PDK1: variants seen among roughly 807,000 people sequenced by gnomAD.
The protein encoded by PDK1 is [Pyruvate dehydrogenase (acetyl-transferring)] kinase isozyme 1, mitochondrial.
PDK1 carries 39 observed loss-of-function variants against 54.2 expected under a neutral mutation model. The ratio of observed to expected loss-of-function variants is 0.72; its 90% confidence interval spans 0.56 to 0.94. The LOEUF is 0.94. PDK1 is among the 40% of genes least tolerant of loss of function. PDK1 has a pLI of 0.00. For missense variants in PDK1, 552 were observed against 566.0 expected, an observed-to-expected ratio of 0.98 and a Z score of 0.25; for synonymous variants, 221 against 207.1, an observed-to-expected ratio of 1.07 and a Z score of -0.58.
chr2:172,697,947 A>ATAGG, the PDK1 span, among the ~76,000 whole-genome samples: 1 of 152,350 alleles, frequency 6.6e-6, no homozygotes, highest in South Asian at 2.1e-4. Flanking sequence ...GGCAACTGTC[A>ATAGG]GAAGCATCTC....
the PDK1 span, among the ~76,000 whole-genome samples, chr2:172,675,701 A>G: frequency 6.6e-6 from 1 of 152,252 alleles, no homozygotes; most frequent in Non-Finnish European, 1.5e-5. Flanking sequence ...AGCAGTGCTG[A>G]GGGAGAAGCT....
the PDK1 span, among the ~76,000 whole-genome samples, chr2:172,711,808 G>A: frequency 7.2e-6 from 1 of 139,310 alleles, no homozygotes; most frequent in Non-Finnish European, 1.5e-5. Context: ...TGAGGCTGCA[G>A]TGAGCTGTAA....
At chr2:172,556,803 G>C (rs1275756786) in intron 1 of PDK1, among the ~76,000 whole-genome samples, 1 of 152,154 alleles carries the variant, frequency 6.6e-6, no homozygotes, top group Non-Finnish European at 1.5e-5. Context: ...ACTGGCCCAG[G>C]GTTTCTTAGA....
the PDK1 span, among the ~76,000 whole-genome samples, chr2:172,622,011 T>G: frequency 4.7e-5 from 7 of 150,428 alleles, no homozygotes; most frequent in Non-Finnish European, 8.9e-5. Context: ...TAGCTCATGA[T>G]GCATGTTCAT....
At chr2:172,705,772 T>C in the PDK1 span, among the ~76,000 whole-genome samples, 1 of 152,242 alleles carries the variant, frequency 6.6e-6, no homozygotes, top group South Asian at 2.1e-4. Context: ...AAAGGAAGAA[T>C]AAAGAATATT....
the PDK1 span, among the ~76,000 whole-genome samples, chr2:172,662,480 G>A: frequency 6.8e-6 from 1 of 146,884 alleles, no homozygotes; most frequent in African/African-American, 2.6e-5. Context: ...ATAAAGGGAA[G>A]ACTTTTTAAA....
chr2:172,669,275 C>T, the PDK1 span, among the ~76,000 whole-genome samples: 2 of 151,700 alleles, frequency 1.3e-5, no homozygotes, highest in African/African-American at 4.9e-5. Flanking sequence ...TCTCGATCTC[C>T]TGACCCTGTG....
chr2:172,694,430 A>G, the PDK1 span, among the ~76,000 whole-genome samples: 1 of 152,262 alleles, frequency 6.6e-6, no homozygotes, highest in African/African-American at 2.4e-5. Flanking sequence ...TCGTTTCATT[A>G]TAACATTGAT....
chr2:172,564,931 A>G (rs1358876813), intron 4 of PDK1, 47 bp from the exon 5 acceptor site: 7 of 1,241,334 alleles, frequency 5.6e-6, no homozygotes, highest in Non-Finnish European at 8.3e-6. Context: ...GGAAAAGAGC[A>G]TTAGGTGGTT....
the PDK1 span, among the ~76,000 whole-genome samples, chr2:172,715,515 C>T: frequency 1.4e-4 from 22 of 152,194 alleles, no homozygotes; most frequent in African/African-American, 4.6e-4. Context: ...GAAAGCCCAG[C>T]GACACAAAGC....
the PDK1 span, among the ~76,000 whole-genome samples, chr2:172,668,894 CATAT>C: frequency 2.7e-5 from 3 of 113,190 alleles, no homozygotes; most frequent in Non-Finnish European, 3.7e-5. Flanking sequence ...CACACACACA[CATAT>C]ATATATATAG....
chr2:172,590,567 G>C (rs1574526897), intron 9 of PDK1, among the ~76,000 whole-genome samples: 1 of 152,258 alleles, frequency 6.6e-6, no homozygotes, highest in East Asian at 1.9e-4. Context: ...GCTGACTTCA[G>C]GAGTGAAGCT....
chr2:172,714,325 A>C, the PDK1 span, among the ~76,000 whole-genome samples: 2 of 152,216 alleles, frequency 1.3e-5, no homozygotes, highest in African/African-American at 4.8e-5. Context: ...AACTTTAAAA[A>C]TATATGAACA....
At chr2:172,639,123 C>A in the PDK1 span, among the ~76,000 whole-genome samples, 1 of 152,214 alleles carries the variant, frequency 6.6e-6, no homozygotes, top group South Asian at 2.1e-4. Context: ...ACTTCAGCCT[C>A]CCAAAATGTG....
chr2:172,590,777 A>ATTTTACAGAGTGCTGATTGGTGCAT (rs60796752), intron 9 of PDK1, among the ~76,000 whole-genome samples: 30,827 of 137,636 alleles, frequency 0.22, 4,679 homozygotes, highest in African/African-American at 0.42. Flanking sequence ...TGATTGGTCC[A>ATTTTACAGAGTGCTGATTGGTGCAT]TTTTACAGAG....
the PDK1 span, among the ~76,000 whole-genome samples, chr2:172,660,151 A>G: frequency 6.9e-6 from 1 of 143,942 alleles, no homozygotes; most frequent in Non-Finnish European, 1.5e-5. Flanking sequence ...AGATTCCAGG[A>G]TTGTTTACTA....
intron 10 of PDK1, among the ~76,000 whole-genome samples, chr2:172,595,021 G>A (rs1360431175): frequency 6.6e-6 from 1 of 152,144 alleles, no homozygotes; most frequent in Admixed American, 6.5e-5. Context: ...AAGCTAAGAT[G>A]CCTTAGACAT....
intron 8 of PDK1, 141 bp downstream of exon 8, chr2:172,570,965 G>C: frequency 1.8e-6 from 1 of 570,190 alleles, no homozygotes; most frequent in Non-Finnish European, 3.1e-6. Flanking sequence ...TAGATAATAA[G>C]CACATTGCTT....
chr2:172,585,791 A>T (rs1271853260), intron 8 of PDK1, among the ~76,000 whole-genome samples: 1 of 152,078 alleles, frequency 6.6e-6, no homozygotes, highest in African/African-American at 2.4e-5. Flanking sequence ...AGAGTTTCAC[A>T]TATTAGAGGA....
Sources: allele counts gnomAD v4.1 joint callset (sites outside exome capture counted in the v4.1 genomes callset), GRCh38; gene constraint gnomAD v4.1.1; transcripts MANE v1.5; gene names NCBI Gene and HGNC (gene_info 2026-07-23, HGNC 2026-07-21).